C1QTNF1: variants seen among roughly 807,000 people sequenced by gnomAD.
C1QTNF1 encodes the protein C1q and TNF related 1.
Under a neutral mutation model 27.8 loss-of-function variants are expected in C1QTNF1, and 22 were observed. That is an observed-to-expected ratio of 0.79 (90% confidence interval 0.56 to 1.13). The LOEUF is 1.13. Among genes scored for constraint, C1QTNF1 ranks in the 50% most tolerant of loss-of-function variants. The pLI is 0.00. For synonymous variants in C1QTNF1, 166 were observed against 154.3 expected (o/e 1.08, Z -0.56); for missense variants, 373 against 380.2 (o/e 0.98, Z 0.16).
At chr17:79,037,921 C>T (rs1392718185) in intron 1 of C1QTNF1, among the ~76,000 whole-genome samples, 1 of 152,060 alleles carries the variant, frequency 6.6e-6, no homozygotes, top group Non-Finnish European at 1.5e-5. Context: ...ATCTACCCAC[C>T]TTGGCCTCCC....
rs572685237 is a variant in C1QTNF1, at chr17:79,031,940, C to G, written c.-15+7446C>G. ...TGATGTACCTTGGATCTCTGTGTCC[C>G]CAGCTGGAATTAGAGAGAGATTTGG... On this transcript the variant is annotated intron_variant, in intron 1 of 3. Coordinates refer to ENST00000579760, the MANE Select transcript of C1QTNF1 (RefSeq NM_030968.5). Among the ~76,000 whole-genome samples the G allele has an allele frequency of 5.3e-4, 81 of 152,300 alleles. 1 individual carries two copies. The highest frequency in any genetic ancestry group is 1.9e-3 in the African/African-American group (80 of 41,560).
chr17:79,032,456 T>C (rs1430007845), intron 1 of C1QTNF1, among the ~76,000 whole-genome samples: 1 of 152,182 alleles, frequency 6.6e-6, no homozygotes, highest in East Asian at 1.9e-4. Flanking sequence ...TAGGAAGCCC[T>C]TGGAGCCAGG....
In C1QTNF1 at chr17:79,046,284, C is replaced by T. The variant is rs2072570391; in HGVS notation, c.156-271C>T. The stretch of plus-strand genomic sequence containing the variant: ...CCCTCTCTTAGAAGTGTGGATTTCT[C>T]CCGAGCAGCCCCCATCTTGCGTGGC... On this transcript the variant is annotated intron_variant, in intron 2 of 3. Transcript: ENST00000579760. The surrounding 1 kb of genome is among the most constrained non-coding windows in gnomAD (Gnocchi z 4.8). Among the ~76,000 whole-genome samples, 1 of 152,188 alleles carries T rather than the reference C, an allele frequency of 6.6e-6. No homozygotes were observed. Among genetic ancestry groups the T allele is most frequent in the Non-Finnish European group, 1.5e-5 (1 of 68,020 alleles).
intron 1 of C1QTNF1, chr17:79,043,648 GTGAC>G (rs1456591480): frequency 3.9e-6 from 2 of 512,622 alleles, no homozygotes; most frequent in Admixed American, 2.3e-5. Context: ...GTGAGTGTAT[GTGAC>G]TGTGTGTGCA....
chr17:79,045,639 C>A (rs1378270360), intron 2 of C1QTNF1, among the ~76,000 whole-genome samples: 1 of 152,098 alleles, frequency 6.6e-6, no homozygotes, highest in African/African-American at 2.4e-5. Context: ...AAGGCTCCAC[C>A]CTGGGCACCC....
chr17:79,023,704 G>GCGCGCACA (rs1267428917), upstream of C1QTNF1, among the ~76,000 whole-genome samples: 65 of 145,028 alleles, frequency 4.5e-4, no homozygotes, highest in African/African-American at 1.6e-3. Context: ...GCGCGCGCGC[G>GCGCGCACA]CACACACACA....
intron 1 of C1QTNF1, among the ~76,000 whole-genome samples, chr17:79,036,344 T>C (rs1039047079): frequency 6.6e-6 from 1 of 152,158 alleles, no homozygotes; most frequent in African/African-American, 2.4e-5. Context: ...CTGGCTAATC[T>C]TTGCATTTTT....
Position 79,030,497 on chromosome 17 carries a change from CTTTCTTTCTTTCTT to C in C1QTNF1, c.-15+6005_-15+6018del, listed in dbSNP as rs1165011233. Among the ~76,000 whole-genome samples, 18 of 101,246 alleles carry C rather than the reference CTTTCTTTCTTTCTT, an allele frequency of 1.8e-4. 1 individual carries two copies. Among genetic ancestry groups the C allele is most frequent in the African/African-American group, 6.7e-4 (18 of 27,052 alleles). The allele number at this position is 101,246 out of a possible 152,430, so 66.4% of individuals were successfully genotyped here. ...TTTCTTTCTTTCTTTTTCTTTCTTT[CTTTCTTTCTTTCTT>C]TCTTTCTTTCTTTCTTTCTTCTTTC... On this transcript the variant is annotated intron_variant, in intron 1 of 3. Coordinates refer to ENST00000579760, the MANE Select transcript of C1QTNF1 (RefSeq NM_030968.5).
rs1380266648 is a variant in C1QTNF1 at position 79,046,299 on chromosome 17, T to C, written c.156-256T>C. On this transcript the variant is annotated intron_variant, in intron 2 of 3. Transcript: ENST00000579760. This position sits in a 1 kb window ranked among gnomAD's most constrained non-coding sequence, Gnocchi z 4.8. ...GTGGATTTCTCCCGAGCAGCCCCCA[T>C]CTTGCGTGGCACTCAATTGATCGCT... Among the ~76,000 whole-genome samples, 1 of 152,210 alleles carries C rather than the reference T, an allele frequency of 6.6e-6. No homozygotes were observed. Among genetic ancestry groups the C allele is most frequent in the Non-Finnish European group, 1.5e-5 (1 of 68,024 alleles).
In C1QTNF1 at chr17:79,040,286, C is replaced by T. The variant is rs75972208; in HGVS notation, c.-14-3669C>T. On this transcript the variant is annotated intron_variant, in intron 1 of 3. Coordinates refer to ENST00000579760, the MANE Select transcript of C1QTNF1 (RefSeq NM_030968.5). ...ACGAGCCGGGGAAACACGGTGAAACCGTGTCTTTACGAAAAAACAACAAAA... is the reference window on the plus strand; with the variant it reads ...ACGAGCCGGGGAAACACGGTGAAACTGTGTCTTTACGAAAAAACAACAAAA... Among the ~76,000 whole-genome samples, 1,542 of 152,166 alleles carry T rather than the reference C, an allele frequency of 0.01. 60 individuals are homozygous for T. In the East Asian group the frequency reaches 0.14, roughly 14 times the overall value.
intron 1 of C1QTNF1, chr17:79,025,166 A>C (rs751037245): frequency 6.6e-6 from 1 of 152,310 alleles, no homozygotes; most frequent in Non-Finnish European, 1.5e-5. Context: ...GGAGCCTCTG[A>C]GCCGCCCTGG....
rs1478931956 is a variant in C1QTNF1, at chr17:79,046,950, T to G, written c.295+256T>G. 2 of 526,118 alleles carry G rather than the reference T, an allele frequency of 3.8e-6. No individual in the cohort carries two copies. Among genetic ancestry groups the G allele is most frequent in the East Asian group, 3.3e-5 (1 of 30,698 alleles). The allele number at this position is 526,118 out of a possible 1,614,324, so 32.6% of individuals were successfully genotyped here. ...GCAGGAGAGGGAGCCCAGAGGCTACTCGGGGTCTCGTCCCTCCAGTTGTAT... is the reference window on the plus strand; with the variant it reads ...GCAGGAGAGGGAGCCCAGAGGCTACGCGGGGTCTCGTCCCTCCAGTTGTAT... On this transcript the variant is annotated intron_variant, in intron 3 of 3. Transcript: ENST00000579760. The surrounding 1 kb of genome is among the most constrained non-coding windows in gnomAD (Gnocchi z 4.8).
intron 1 of C1QTNF1, among the ~76,000 whole-genome samples, chr17:79,035,195 T>C (rs935625729): frequency 3.3e-5 from 5 of 152,144 alleles, no homozygotes; most frequent in Non-Finnish European, 7.3e-5. Context: ...TTCCTCTTTC[T>C]TGGCACCCCA....
chr17:79,047,163 G>A (rs1316396449), intron 3 of C1QTNF1: 1 of 257,128 alleles, frequency 3.9e-6, no homozygotes, highest in East Asian at 7.3e-5. Flanking sequence ...TTTGCTCAGA[G>A]CGAGCCGTCG....
chr17:79,030,511 TTCTTTC>T, intron 1 of C1QTNF1, among the ~76,000 whole-genome samples: 1 of 143,872 alleles, frequency 7.0e-6, no homozygotes, highest in African/African-American at 2.6e-5. Flanking sequence ...CTTTCTTTCT[TTCTTTC>T]TTTCTTTCTT....
chr17:79,039,795 G>GTGTATATATATATATATGTAAATA (rs2145913365), intron 1 of C1QTNF1, among the ~76,000 whole-genome samples: 1 of 151,362 alleles, frequency 6.6e-6, no homozygotes, highest in African/African-American at 2.4e-5. Context: ...GTGTGTGTGT[G>GTGTATATATATATATATGTAAATA]TGTATATATA....
chr17:79,027,084 G>C (rs79536842), intron 1 of C1QTNF1, among the ~76,000 whole-genome samples: 5 of 151,686 alleles, frequency 3.3e-5, no homozygotes, highest in African/African-American at 4.8e-5. Flanking sequence ...TCCTGGGCGG[G>C]GGGGGGCTGT....
intron 2 of C1QTNF1, 55 bp downstream of exon 2, chr17:79,044,178 C>G: frequency 6.7e-7 from 1 of 1,501,648 alleles, no homozygotes; most frequent in East Asian, 2.4e-5. Flanking sequence ...CAGGCTGAGC[C>G]TGGGCCTTGG....
At chr17:79,029,167 C>T (rs900879295) in intron 1 of C1QTNF1, among the ~76,000 whole-genome samples, 3 of 152,190 alleles carry the variant, frequency 2.0e-5, no homozygotes, top group South Asian at 2.1e-4. Context: ...GCTGCTGCAG[C>T]GGTTCCACCT....
Sources: allele counts gnomAD v4.1 joint callset (sites outside exome capture counted in the v4.1 genomes callset), GRCh38; gene constraint gnomAD v4.1.1; non-coding constraint Gnocchi (gnomAD v3.1); transcripts MANE v1.5; gene names NCBI Gene and HGNC (gene_info 2026-07-23, HGNC 2026-07-21).